The following GALNT1 variants were observed in gnomAD, a reference collection of about 807,000 sequenced individuals.
The protein encoded by GALNT1 is polypeptide N-acetylgalactosaminyltransferase 1.
GALNT1 carries 17 observed loss-of-function variants against 65.7 expected under a neutral mutation model. That is an observed-to-expected ratio of 0.26 (90% CI 0.18 to 0.39). The LOEUF is 0.39. GALNT1 is among the 10% of genes least tolerant of loss of function. GALNT1 has a pLI of 1.00. For missense variants in GALNT1, 460 were observed against 672.8 expected (o/e 0.68, Z 3.50); for synonymous variants, 210 against 219.7 (o/e 0.96, Z 0.39).
intron 1 of GALNT1, among the ~76,000 whole-genome samples, chr18:35,612,169 T>C (rs1375562525): frequency 6.6e-6 from 1 of 152,182 alleles, no homozygotes; most frequent in Admixed American, 6.5e-5. Context: ...TGCAAAATAC[T>C]GTCTTAGGTT....
upstream of GALNT1, among the ~76,000 whole-genome samples, chr18:35,581,518 C>A (rs1347891327): frequency 1.3e-5 from 1 of 77,418 alleles, no homozygotes; most frequent in Non-Finnish European, 2.6e-5. Flanking sequence ...CAGGGAGGAC[C>A]GCGCCCGAGC....
In GALNT1 at chr18:35,700,009, T is replaced by G. The variant is rs1267323037; in HGVS notation, c.1300-2888T>G. Among the ~76,000 whole-genome samples the G allele has an allele frequency of 2.6e-5, 4 of 152,172 alleles. No individual in the cohort carries two copies. The East Asian group carries it at 7.7e-4, about 29-fold the overall frequency. On this transcript the variant is annotated intron_variant, in intron 9 of 11. Transcript: ENST00000269195. ...CCTTTCTCCAAAGGCTCTTCAAACT[T>G]AACTCCCGGCAAACAAACCTATTAG...
intron 1 of GALNT1, among the ~76,000 whole-genome samples, chr18:35,623,308 A>G (rs2046879190): frequency 6.6e-6 from 1 of 151,674 alleles, no homozygotes; most frequent in Admixed American, 6.6e-5. Flanking sequence ...TTTCCCCTGT[A>G]CATACATTTT....
At chr18:35,610,314 G>A (rs1213637139) in intron 1 of GALNT1, among the ~76,000 whole-genome samples, 1 of 152,134 alleles carries the variant, frequency 6.6e-6, no homozygotes, top group Non-Finnish European at 1.5e-5. Context: ...CCTCAGAGAA[G>A]CCGTTCCTGA....
At chr18:35,697,810 C>T (rs1463623294) in intron 9 of GALNT1, among the ~76,000 whole-genome samples, 3 of 152,184 alleles carry the variant, frequency 2.0e-5, no homozygotes. Context: ...TTATGATACT[C>T]TCAGTTTGTA....
chr18:35,613,593 A>G (rs1352564582), intron 1 of GALNT1, among the ~76,000 whole-genome samples: 1 of 152,096 alleles, frequency 6.6e-6, no homozygotes, highest in Non-Finnish European at 1.5e-5. Context: ...GGGTGGCCAT[A>G]GGGTACCAGA....
chr18:35,608,714 G>A (rs555678591), intron 1 of GALNT1, among the ~76,000 whole-genome samples: 1 of 152,236 alleles, frequency 6.6e-6, no homozygotes, highest in African/African-American at 2.4e-5. Flanking sequence ...AGAGGCAACT[G>A]AATAAGTAAA....
intron 5 of GALNT1, among the ~76,000 whole-genome samples, chr18:35,686,286 A>G (rs183225683): frequency 6.6e-6 from 1 of 152,246 alleles, no homozygotes; most frequent in African/African-American, 2.4e-5. Context: ...CCAAATTCAT[A>G]TATAAATTCA....
intron 9 of GALNT1, 41 bp from the exon 10 acceptor site, chr18:35,702,856 T>G (rs181813483): frequency 7.2e-7 from 1 of 1,380,630 alleles, no homozygotes; most frequent in Admixed American, 1.9e-5. Flanking sequence ...TCTAATTAAC[T>G]TCTCCAACTC....
chr18:35,652,393 T>A (rs1251091646), intron 1 of GALNT1, among the ~76,000 whole-genome samples: 1 of 152,126 alleles, frequency 6.6e-6, no homozygotes, highest in Non-Finnish European at 1.5e-5. Context: ...CTGCAGTATG[T>A]GGAAGGTGAT....
intron 3 of GALNT1, among the ~76,000 whole-genome samples, chr18:35,667,589 C>T (rs1427616214): frequency 3.3e-5 from 5 of 152,130 alleles, no homozygotes; most frequent in Admixed American, 6.5e-5. Context: ...TTTTTTATAG[C>T]GTAGGTGTCA....
chr18:35,605,887 CT>C (rs2143998414), intron 1 of GALNT1, among the ~76,000 whole-genome samples: 1 of 152,208 alleles, frequency 6.6e-6, no homozygotes, highest in South Asian at 2.1e-4. Flanking sequence ...AGGTACTGTT[CT>C]TTTTAGCATC....
intron 3 of GALNT1, among the ~76,000 whole-genome samples, chr18:35,668,536 A>T (rs1220234930): frequency 6.6e-6 from 1 of 152,232 alleles, no homozygotes; most frequent in Non-Finnish European, 1.5e-5. Flanking sequence ...TTGAAAGATT[A>T]TATGTAGATT....
chr18:35,628,325 G>A (rs2046949526), intron 1 of GALNT1, among the ~76,000 whole-genome samples: 1 of 152,180 alleles, frequency 6.6e-6, no homozygotes, highest in Admixed American at 6.5e-5. Flanking sequence ...CCCAGTAGGG[G>A]CAGACTGACA....
At chr18:35,609,621 G>A (rs1351596317) in intron 1 of GALNT1, among the ~76,000 whole-genome samples, 1 of 152,008 alleles carries the variant, frequency 6.6e-6, no homozygotes, top group African/African-American at 2.4e-5. Flanking sequence ...CATAGATGTT[G>A]GACAGTCCAA....
chr18:35,649,565 A>C (rs1332272509), intron 1 of GALNT1, among the ~76,000 whole-genome samples: 5 of 152,164 alleles, frequency 3.3e-5, no homozygotes, highest in African/African-American at 1.2e-4. Context: ...CCTGAGTATA[A>C]ACAGATATTT....
At chr18:35,589,211 G>A (rs189478398) in intron 1 of GALNT1, among the ~76,000 whole-genome samples, 5 of 152,166 alleles carry the variant, frequency 3.3e-5, no homozygotes, top group East Asian at 1.9e-4. Flanking sequence ...CAGGATATCC[G>A]GGGGAGAGGG....
chr18:35,652,776 G>A (rs961633075), intron 1 of GALNT1, among the ~76,000 whole-genome samples: 1 of 152,092 alleles, frequency 6.6e-6, no homozygotes, highest in African/African-American at 2.4e-5. Context: ...CCTCTTCACT[G>A]CACTTCACCT....
chr18:35,672,522 C>G (rs1045450931), intron 3 of GALNT1, among the ~76,000 whole-genome samples: 2 of 152,118 alleles, frequency 1.3e-5, no homozygotes, highest in Non-Finnish European at 2.9e-5. Flanking sequence ...AGAAACCTTG[C>G]TTATGTTCTA....
Sources: allele counts gnomAD v4.1 joint callset (sites outside exome capture counted in the v4.1 genomes callset), GRCh38; gene constraint gnomAD v4.1.1; transcripts MANE v1.5; gene names NCBI Gene and HGNC (gene_info 2026-07-23, HGNC 2026-07-21).